The following XPOT variants were observed in gnomAD, a reference collection of about 807,000 sequenced individuals.
XPOT encodes the protein exportin for tRNA.
A neutral mutation model predicts 128.2 loss-of-function variants in XPOT; 34 were observed. The observed-to-expected ratio is 0.27, with a 90% CI of 0.20 to 0.35. The LOEUF (loss-of-function observed/expected upper bound fraction) is 0.35, where lower values mean the gene tolerates loss of function less well. Among genes scored for constraint, XPOT ranks in the 10% least tolerant of loss-of-function variants. The pLI is 1.00. For missense variants in XPOT, 838 were observed against 1,125.3 expected (o/e 0.74, Z 3.65); for synonymous variants, 348 against 394.3 (o/e 0.88, Z 1.39).
chr12:64,413,094 A>G (rs1339409177), intron 2 of XPOT, among the ~76,000 whole-genome samples: 1 of 152,142 alleles, frequency 6.6e-6, no homozygotes, highest in Admixed American at 6.5e-5. Flanking sequence ...AAAAGTTTCA[A>G]CACTCTAATC....
chr12:64,421,195 C>A, intron 8 of XPOT, 40 bp from the exon 9 acceptor site: 1 of 1,439,872 alleles, frequency 6.9e-7, no homozygotes, highest in Non-Finnish European at 9.7e-7. Context: ...TTAGCTTGGG[C>A]AGGCAGTTTT....
intron 16 of XPOT, among the ~76,000 whole-genome samples, chr12:64,428,935 T>C (rs1038127724): frequency 6.6e-6 from 1 of 152,228 alleles, no homozygotes; most frequent in Non-Finnish European, 1.5e-5. Flanking sequence ...TGCATGTCAC[T>C]ATGGTTAGTA....
chr12:64,417,560 A>T (rs1385503308), intron 4 of XPOT, among the ~76,000 whole-genome samples: 1 of 152,088 alleles, frequency 6.6e-6, no homozygotes, highest in African/African-American at 2.4e-5. Flanking sequence ...AAATCCAGAT[A>T]TTTCACAGAA....
chr12:64,422,384 A>G (rs1198142293), intron 9 of XPOT, among the ~76,000 whole-genome samples: 1 of 152,202 alleles, frequency 6.6e-6, no homozygotes, highest in African/African-American at 2.4e-5. Context: ...GAAAGGTATG[A>G]TCACTATTGG....
At chr12:64,410,235 T>C (rs2040025262) in intron 2 of XPOT, 140 bp downstream of exon 2, 4 of 672,012 alleles carry the variant, frequency 6.0e-6, no homozygotes, top group Non-Finnish European at 1.0e-5. Flanking sequence ...TTTGAATATA[T>C]TTTGAATATA....
At chr12:64,437,576 AATAAG>A (rs1410945207) in intron 22 of XPOT, among the ~76,000 whole-genome samples, 8 of 152,330 alleles carry the variant, frequency 5.3e-5, no homozygotes, top group African/African-American at 1.9e-4. Context: ...ATAGCTAAAA[AATAAG>A]ATGAGACTAG....
chr12:64,427,932 C>A, intron 15 of XPOT, 119 bp from the exon 16 acceptor site: 1 of 670,074 alleles, frequency 1.5e-6, no homozygotes. Flanking sequence ...TAATCTTAAT[C>A]AGAAGTGACT....
intron 12 of XPOT, 33 bp downstream of exon 12, chr12:64,424,756 C>A: frequency 6.2e-7 from 1 of 1,609,010 alleles, no homozygotes; most frequent in Non-Finnish European, 8.5e-7. Context: ...AACAAGCCTA[C>A]TTCTTTCTTT....
chr12:64,448,740 T>G lies in XPOT; in HGVS notation c.*609T>G, dbSNP rs1171594801. On this transcript the variant is annotated 3_prime_UTR_variant, in exon 25 of 25. Transcript: ENST00000332707. ...ATACTTTAGTTTTATTTTCTCATCT[T>G]AATCTCTCCATAATTTCCCATTTAA... 1 of 152,156 alleles carries G rather than the reference T, an allele frequency of 6.6e-6. No individual in the cohort carries two copies. The highest frequency in any genetic ancestry group is 1.5e-5 in the Non-Finnish European group (1 of 68,022). The allele number at this position is 152,156 out of a possible 1,614,324, so 9.4% of individuals were successfully genotyped here.
chr12:64,424,717 C>T lies in XPOT; in HGVS notation c.1301C>T (p.Thr434Ile). The T allele has an allele frequency of 6.2e-7, 1 of 1,613,710 alleles. No individual in the cohort carries two copies. Among genetic ancestry groups the T allele is most frequent in the Non-Finnish European group, 8.5e-7 (1 of 1,179,956 alleles). ...TCTGTTCGCAGAGTTTTTAGTTCTA[C>T]ACTGCAGTAAGTTTGTCATTACTTT... is the stretch of plus-strand genomic sequence containing the variant. ...LASVRRVFSS[T>I]LQNWQTTRFM... Residue 434 changes from threonine to isoleucine, a missense_variant, in exon 12 of 25, where the codon ACA becomes ATA. Around this residue, in one of 3 missense-constraint regions of XPOT, gnomAD observed 761 missense variants for 988.3 expected, o/e 0.77. Coordinates refer to ENST00000332707, the MANE Select transcript of XPOT (RefSeq NM_007235.6).
rs762506054 is a variant in XPOT, at chr12:64,439,254, G to A, written c.2744G>A (p.Cys915Tyr). The change falls in exon 23 of 25, where the codon TGT (cysteine) becomes TAT (tyrosine). Residue 915 changes from cysteine (C) to tyrosine (Y), a missense_variant. Transcript: ENST00000332707. ...KTIHLKRGPE[C>Y]VQYLQQEYLP... The stretch of plus-strand genomic sequence containing the variant: ...TCTTTTAATCTTCAGGGCCCAGAAT[G>A]TGTTCAGTATCTTCAACAAGAATAC... The A allele has an allele frequency of 6.2e-7, 1 of 1,613,984 alleles. No individual in the cohort carries two copies. The highest frequency in any genetic ancestry group is 1.1e-5 in the South Asian group (1 of 91,086).
At position 64,418,055 on chromosome 12, in the gene XPOT, A is replaced by G. The variant is rs1329247826; in HGVS notation, c.210A>G (p.Glu70=). The G allele has an allele frequency of 1.9e-6, 3 of 1,613,084 alleles. No homozygotes were observed. The highest frequency in any genetic ancestry group is 3.3e-5 in the Admixed American group (2 of 59,882). Reference sequence around the variant, plus strand: ...TCTCTATTTTGAACAGATACTCAGAACTAACCACTGTTCAACAACAGCTAA... The same window carrying G: ...TCTCTATTTTGAACAGATACTCAGAGCTAACCACTGTTCAACAACAGCTAA... ...LEHQVKYKYS[E]LTTVQQQLIR... Residue 70 remains glutamate (E), a synonymous_variant, in exon 5 of 25, where the codon GAA becomes GAG. Transcript: ENST00000332707.
intron 9 of XPOT, among the ~76,000 whole-genome samples, chr12:64,422,705 C>T (rs1055898760): frequency 6.6e-6 from 1 of 152,004 alleles, no homozygotes; most frequent in African/African-American, 2.4e-5. Flanking sequence ...TTGAGACCAG[C>T]CTGGGCAACA....
At chr12:64,422,682 T>G (rs1416688843) in intron 9 of XPOT, among the ~76,000 whole-genome samples, 3 of 152,172 alleles carry the variant, frequency 2.0e-5, no homozygotes, top group African/African-American at 7.2e-5. Context: ...GAGGATTGTT[T>G]GAGGCCAGGA....
At chr12:64,424,251 T>C (rs1181836573) in intron 11 of XPOT, among the ~76,000 whole-genome samples, 2 of 152,240 alleles carry the variant, frequency 1.3e-5, no homozygotes, top group Non-Finnish European at 2.9e-5. Context: ...GTCTTTAACC[T>C]TCTTAGACTA....
chr12:64,421,235 G>A lies in XPOT; in HGVS notation c.844G>A (p.Glu282Lys), dbSNP rs968770143. The change falls in exon 9 of 25, where the codon GAA (glutamate) becomes AAA (lysine). Residue 282 changes from glutamate (E) to lysine (K), a missense_variant and splice_region_variant. Around this residue, in one of 3 missense-constraint regions of XPOT, gnomAD observed 761 missense variants for 988.3 expected, o/e 0.77. Transcript: ENST00000332707. ...AGAGATGTGTCTTGATTGCTTATAG[G>A]AAGAAGATGTTGACTTCCTGGCCAG... is the stretch of plus-strand genomic sequence containing the variant. Reference protein sequence around the residue: ...QSAGFFSIDQEEDVDFLARFS... With the variant: ...QSAGFFSIDQKEDVDFLARFS... 1 of 1,611,498 alleles carries A rather than the reference G, an allele frequency of 6.2e-7. No homozygotes were observed. Among genetic ancestry groups the A allele is most frequent in the African/African-American group, 1.3e-5 (1 of 74,834 alleles).
rs2136043938 is a variant in XPOT at position 64,448,311 on chromosome 12, AAAG to A, written c.*184_*186del. On this transcript the variant is annotated 3_prime_UTR_variant, in exon 25 of 25. Coordinates refer to ENST00000332707, the MANE Select transcript of XPOT (RefSeq NM_007235.6). ...TTCCTAATACAGGTATGTAACAACAAAAGAAGTTGCCTGCATGCCGGTCCAAAT... is the reference window on the plus strand; with the variant it reads ...TTCCTAATACAGGTATGTAACAACAAAAGTTGCCTGCATGCCGGTCCAAAT... 1.6e-6 allele frequency: 1 copy of A among 616,914 alleles called. No individual in the cohort carries two copies. The highest frequency in any genetic ancestry group is 2.9e-6 in the Non-Finnish European group (1 of 347,198). The allele number at this position is 616,914 out of a possible 1,614,324, so 38.2% of individuals were successfully genotyped here. A position where few individuals can be genotyped will look rare whatever the true frequency, so the allele number is the denominator to read the frequency against.
rs1295171999 is a variant in XPOT at position 64,448,451 on chromosome 12, CAG to C, written c.*321_*322del. ...TTATAAAGACCATAGCAGTGGAAAACAGTGTACTTTTTAAAAAATTGCTGAAT... is the reference window on the plus strand; with the variant it reads ...TTATAAAGACCATAGCAGTGGAAAACTGTACTTTTTAAAAAATTGCTGAAT... On this transcript the variant is annotated 3_prime_UTR_variant, in exon 25 of 25. Coordinates refer to ENST00000332707, the MANE Select transcript of XPOT (RefSeq NM_007235.6). The C allele has an allele frequency of 3.4e-5, 8 of 232,266 alleles. No individual in the cohort carries two copies. Among genetic ancestry groups the C allele is most frequent in the East Asian group, 2.7e-4 (3 of 11,276 alleles). The allele number at this position is 232,266 out of a possible 1,614,324, so 14.4% of individuals were successfully genotyped here.
At chr12:64,443,365 C>G (rs2040342398) in intron 23 of XPOT, 1 of 152,242 alleles carries the variant, frequency 6.6e-6, no homozygotes, top group South Asian at 2.1e-4. Context: ...CAGCAGACAT[C>G]ACTTCTCGGC....
Sources: gnomAD v4.1 joint callset for allele counts (sites outside exome capture counted in the v4.1 genomes callset) on GRCh38, gnomAD v4.1.1 for gene constraint, gnomAD v4.1.1 regional missense constraint, MANE v1.5 for transcripts, NCBI Gene and HGNC (gene_info 2026-07-23, HGNC 2026-07-21) for gene names.